The following AP5Z1 variants were observed in gnomAD, a reference collection of about 807,000 sequenced individuals.
AP5Z1 encodes AP-5 complex subunit zeta-1.
In AP5Z1, 106 loss-of-function variants were observed where a neutral mutation model predicts 83.0. The observed-to-expected ratio is 1.28, with a 90% CI of 1.09 to 1.50. AP5Z1 has a LOEUF of 1.50. AP5Z1 is among the 40% of genes most tolerant of loss of function. The probability of loss-of-function intolerance (pLI) is 0.00; values close to 1 mark genes in which losing one functional copy is unlikely to be tolerated. For missense variants in AP5Z1, 1,565 were observed against 1,094.2 expected, an observed-to-expected ratio of 1.43 and a Z score of -6.07; for synonymous variants, 751 against 514.1, an observed-to-expected ratio of 1.46 and a Z score of -6.23.
chr7:4,783,205 C>G (rs895887735), intron 3 of AP5Z1, 111 bp from the exon 4 acceptor site: 29 of 1,435,216 alleles, frequency 2.0e-5, no homozygotes, highest in Middle Eastern at 2.0e-4. Context: ...CCTGCTAGGC[C>G]GGGGTCTCAG....
Position 4,785,616 on chromosome 7 carries a change from G to A in AP5Z1, c.1064G>A (p.Gly355Glu). 1 of 1,584,626 alleles carries A rather than the reference G, an allele frequency of 6.3e-7. No individual in the cohort carries two copies. Among genetic ancestry groups the A allele is most frequent in the Non-Finnish European group, 8.6e-7 (1 of 1,168,316 alleles). ...RSLSCLKALHGRVRGDPASVR... is the reference protein window; with the variant it reads ...RSLSCLKALHERVRGDPASVR... ...CTCTCCTGCCTGAAGGCCCTGCACG[G>A]GCGGGTGCGCGGGGACCCGGCCTCT... The change falls in exon 9 of 17, where the codon GGG becomes GAG. Residue 355 changes from glycine to glutamate, a missense_variant. Physicochemically the swap from Gly to Glu is moderately conservative, Grantham distance 98 (BLOSUM62 -2). Coordinates refer to ENST00000649063, the MANE Select transcript of AP5Z1 (RefSeq NM_014855.3).
chr7:4,779,144 TAA>T (rs1015708796), intron 1 of AP5Z1, among the ~76,000 whole-genome samples: 5 of 144,768 alleles, frequency 3.5e-5, no homozygotes, highest in African/African-American at 1.3e-4. Flanking sequence ...ATATTATATA[TAA>T]CATATATAAC....
chr7:4,787,652 C>T lies in AP5Z1; in HGVS notation c.1330C>T (p.Pro444Ser), dbSNP rs1258694376. The change falls in exon 11 of 17, where the codon CCA becomes TCA. Residue 444 changes from proline (P) to serine (S), a missense_variant. Transcript: ENST00000649063. ...NLFKFLAWNS[P>S]PLTSEFVALL... is the part of the protein sequence containing the mutation. ...CCCACAGTTCCTGGCCTGGAACAGC[C>T]CACCCCTCACCTCCGAGTTTGTGGC... 1.9e-6 allele frequency: 3 copies of T among 1,553,006 alleles called. No homozygotes were observed. Among genetic ancestry groups the T allele is most frequent in the Non-Finnish European group, 1.7e-6 (2 of 1,148,848 alleles).
chr7:4,789,780 A>C, intron 13 of AP5Z1, 52 bp from the exon 14 acceptor site: 1 of 1,447,986 alleles, frequency 6.9e-7, no homozygotes, highest in East Asian at 2.5e-5. Flanking sequence ...CCCCAACCTT[A>C]GGGCCTGCAG....
rs1228373916 is a variant in AP5Z1, at chr7:4,793,307, AAAGAT to A, written c.*1923_*1927del. The A allele has an allele frequency of 6.6e-6, 1 of 152,272 alleles. No homozygotes were observed. The highest frequency in any genetic ancestry group is 2.4e-5 in the African/African-American group (1 of 41,480). 9.4% of individuals were successfully genotyped at this position (152,272 alleles called of 1,614,324 possible). On this transcript the variant is annotated 3_prime_UTR_variant, in exon 17 of 17. Transcript: ENST00000649063. ...TAGAATAGTTTTTCAGATTTACAGAAAAGATGATAAACCTTAGAAACATTATATGC... is the reference window on the plus strand; with the variant it reads ...TAGAATAGTTTTTCAGATTTACAGAAGATAAACCTTAGAAACATTATATGC...
Position 4,785,054 on chromosome 7 carries a change from T to C in AP5Z1, c.931+6T>C. 1 of 1,590,822 alleles carries C rather than the reference T, an allele frequency of 6.3e-7. No homozygotes were observed. Among genetic ancestry groups the C allele is most frequent in the East Asian group, 2.2e-5 (1 of 44,462 alleles). On this transcript the variant is annotated splice_donor_region_variant and intron_variant, in intron 7 of 16. Coordinates refer to ENST00000649063, the MANE Select transcript of AP5Z1 (RefSeq NM_014855.3). The stretch of plus-strand genomic sequence containing the variant: ...CATTGAGCAAAGTAACCGACGTGAG[T>C]CCCCCACCCAGGGCACTGGCCTCCC...
In AP5Z1 at chr7:4,790,831, C is replaced by T. The variant is rs535158601; in HGVS notation, c.2097C>T (p.Thr699=). The T allele has an allele frequency of 9.3e-6, 15 of 1,609,274 alleles. No individual in the cohort carries two copies. The highest frequency in any genetic ancestry group is 2.2e-5 in the South Asian group (2 of 90,086). The change falls in exon 16 of 17, where the codon ACC becomes ACT. Residue 699 remains threonine (T), a synonymous_variant. Coordinates refer to ENST00000649063, the MANE Select transcript of AP5Z1 (RefSeq NM_014855.3). ...ALPRCPPQVV[T]VLMTTLTKLA... ...CCAGGTGTCCCCCCCAGGTGGTCAC[C>T]GTGCTGATGACCACGCTGACGAAGC...
chr7:4,790,445 G>A lies in AP5Z1; in HGVS notation c.1806-14G>A, dbSNP rs753647179. The A allele has an allele frequency of 4.7e-5, 76 of 1,612,860 alleles. No individual in the cohort carries two copies. Among genetic ancestry groups the A allele is most frequent in the African/African-American group, 3.3e-4 (25 of 74,940 alleles). ...GTCTGCACAGAGCAGGCGTAGACCC[G>A]GCTTTCTGGGCAGTGTGCTGAGTTC... On this transcript the variant is annotated splice_polypyrimidine_tract_variant and intron_variant, in intron 14 of 16. Transcript: ENST00000649063.
chr7:4,784,542 C>T (rs772875925), intron 6 of AP5Z1, among the ~76,000 whole-genome samples, 171 bp downstream of exon 6: 1 of 152,214 alleles, frequency 6.6e-6, no homozygotes, highest in Middle Eastern at 3.4e-3. Context: ...GAGAGCACTC[C>T]CTGGCCAGCA....
chr7:4,783,544 G>A lies in AP5Z1; in HGVS notation c.511+84G>A, dbSNP rs1004764407. On this transcript the variant is annotated intron_variant, in intron 4 of 16. Transcript: ENST00000649063. ...AGGGCCCATGGTGGGTTGGGAGTGTGGGGGGCAGGTGGGGGACACGGGGAG... is the reference window on the plus strand; with the variant it reads ...AGGGCCCATGGTGGGTTGGGAGTGTAGGGGGCAGGTGGGGGACACGGGGAG... 15 of 1,566,066 alleles carry A rather than the reference G, an allele frequency of 9.6e-6. No individual in the cohort carries two copies. The African/African-American group carries it at 1.6e-4, about 17-fold the overall frequency.
In AP5Z1 at chr7:4,786,348, A is replaced by C. The variant is rs1304223703; in HGVS notation, c.1231A>C (p.Ile411Leu). Residue 411 changes from isoleucine (I) to leucine (L), a missense_variant, in exon 10 of 17, where the codon ATC (isoleucine) becomes CTC (leucine). Transcript: ENST00000649063. ...CAGCCCCATGCTGGCCTTTGAATTC[A>C]TCCAGTTCTGCAGGGACAACCTCCA... ...FHSPMLAFEF[I>L]QFCRDNLHLF... 6.2e-7 allele frequency: 1 copy of C among 1,613,888 alleles called. No individual in the cohort carries two copies. The highest frequency in any genetic ancestry group is 8.5e-7 in the Non-Finnish European group (1 of 1,179,832).
Position 4,787,739 on chromosome 7 carries a change from C to T in AP5Z1, c.1417C>T (p.Leu473=), listed in dbSNP as rs778149417. 1 of 1,546,604 alleles carries T rather than the reference C, an allele frequency of 6.5e-7. No individual in the cohort carries two copies. The highest frequency in any genetic ancestry group is 8.7e-7 in the Non-Finnish European group (1 of 1,148,720). The change falls in exon 11 of 17, where the codon CTG becomes TTG. Residue 473 remains leucine, a synonymous_variant. Coordinates refer to ENST00000649063, the MANE Select transcript of AP5Z1 (RefSeq NM_014855.3). The part of the protein sequence containing the change: ...ALEMLHALLD[L]PCLTAVLDLQ... ...GGAGATGCTGCACGCGCTGCTGGAC[C>T]TGCCCTGCTTGACGGCGGTGCTGGA...
chr7:4,783,869 C>G, intron 5 of AP5Z1, 71 bp downstream of exon 5: 2 of 1,445,778 alleles, frequency 1.4e-6, no homozygotes, highest in Non-Finnish European at 1.9e-6. Context: ...AGCTCCTGTG[C>G]CCACAGCGGC....
rs1781391130 is a variant in AP5Z1 at position 4,781,824 on chromosome 7, CA to C, written c.366+71del. 3 of 1,440,982 alleles carry C rather than the reference CA, an allele frequency of 2.1e-6. No homozygotes were observed. In the Middle Eastern group the frequency reaches 5.9e-4, roughly 282 times the overall value. The allele number at this position is 1,440,982 out of a possible 1,614,324, so 89.3% of individuals were successfully genotyped here. On this transcript the variant is annotated intron_variant, in intron 3 of 16. Coordinates refer to ENST00000649063, the MANE Select transcript of AP5Z1 (RefSeq NM_014855.3). ...CCCAAGGAACAGGGGAGACAGGAAG[CA>C]GGGGCGCCAGAGCCGGCAGGTGGCT...
intron 12 of AP5Z1, 111 bp from the exon 13 acceptor site, chr7:4,788,729 G>A (rs1781642257): frequency 1.0e-6 from 1 of 954,444 alleles, no homozygotes; most frequent in South Asian, 1.8e-5. Flanking sequence ...GGCGATGAGT[G>A]AGGATGGGAG....
Position 4,785,510 on chromosome 7 carries a change from C to T in AP5Z1, c.970-12C>T. 1 of 1,613,404 alleles carries T rather than the reference C, an allele frequency of 6.2e-7. No homozygotes were observed. Among genetic ancestry groups the T allele is most frequent in the Non-Finnish European group, 8.5e-7 (1 of 1,179,736 alleles). ...GCGACTCGGCCCATTTGATGTGGTCCATGTCCCGCAGTGCCTGGTGGAGGC... is the reference window on the plus strand; with the variant it reads ...GCGACTCGGCCCATTTGATGTGGTCTATGTCCCGCAGTGCCTGGTGGAGGC... On this transcript the variant is annotated splice_polypyrimidine_tract_variant and intron_variant, in intron 8 of 16. Transcript: ENST00000649063.
At chr7:4,776,888 T>C (rs1781244125) in intron 1 of AP5Z1, among the ~76,000 whole-genome samples, 2 of 152,144 alleles carry the variant, frequency 1.3e-5, no homozygotes, top group Admixed American at 1.3e-4. Context: ...ACCACTGGAC[T>C]CCAGTCTGGG....
intron 13 of AP5Z1, 148 bp downstream of exon 13, chr7:4,789,099 C>A: frequency 3.0e-6 from 2 of 672,670 alleles, no homozygotes; most frequent in Non-Finnish European, 5.0e-6. Context: ...GTCAGGGAGG[C>A]ACATGCCACA....
At position 4,787,616 on chromosome 7, in the gene AP5Z1, G is replaced by A. The variant is rs371028007; in HGVS notation, c.1312-18G>A. On this transcript the variant is annotated intron_variant, in intron 10 of 16. Coordinates refer to ENST00000649063, the MANE Select transcript of AP5Z1 (RefSeq NM_014855.3). Reference sequence around the variant, plus strand: ...CACAGCTCCGAGCCGTGTCCGAACCGCTGTGCTGTGCCCACAGTTCCTGGC... The same window carrying A: ...CACAGCTCCGAGCCGTGTCCGAACCACTGTGCTGTGCCCACAGTTCCTGGC... The A allele has an allele frequency of 3.2e-5, 50 of 1,547,384 alleles. No individual in the cohort carries two copies. In the African/African-American group the frequency reaches 5.1e-4, roughly 16 times the overall value.
Sources: allele counts gnomAD v4.1 joint callset (sites outside exome capture counted in the v4.1 genomes callset), GRCh38; gene constraint gnomAD v4.1.1; transcripts MANE v1.5; gene names NCBI Gene and HGNC (gene_info 2026-07-23, HGNC 2026-07-21).